The following ATP8B4 variants were observed in gnomAD, a reference collection of about 807,000 sequenced individuals.
The protein encoded by ATP8B4 is ATPase phospholipid transporting 8B4 (putative), also known as probable phospholipid-transporting ATPase IM.
Under a neutral mutation model 145.6 loss-of-function variants are expected in ATP8B4, and 133 were observed. That is an observed-to-expected ratio of 0.91 (90% CI 0.79 to 1.05). The LOEUF is 1.05. Ranked by LOEUF, ATP8B4 falls within the 50% of genes least tolerant of loss-of-function variation. The probability of loss-of-function intolerance (pLI) is 0.00; values close to 1 mark genes in which losing one functional copy is unlikely to be tolerated. For missense variants in ATP8B4, 1,458 were observed against 1,425.2 expected, an observed-to-expected ratio of 1.02 and a Z score of -0.37; for synonymous variants, 507 against 492.9, an observed-to-expected ratio of 1.03 and a Z score of -0.38.
intron 25 of ATP8B4, among the ~76,000 whole-genome samples, chr15:49,871,555 C>A (rs1185234979): frequency 6.6e-6 from 1 of 152,224 alleles, no homozygotes; most frequent in African/African-American, 2.4e-5. Flanking sequence ...TCTCTTACAG[C>A]TGCCATCAAG....
intron 1 of ATP8B4, among the ~76,000 whole-genome samples, chr15:50,151,659 A>T (rs926165582): frequency 2.0e-5 from 3 of 147,194 alleles, no homozygotes; most frequent in Non-Finnish European, 3.0e-5. Context: ...CTGAGGTGGG[A>T]TGATCACTTA....
At chr15:50,102,598 AT>A (rs375178371) in intron 2 of ATP8B4, among the ~76,000 whole-genome samples, 7 of 152,270 alleles carry the variant, frequency 4.6e-5, no homozygotes, top group Non-Finnish European at 1.0e-4. Context: ...TGAAATGGTA[AT>A]TTAAAAGTTG....
intron 1 of ATP8B4, among the ~76,000 whole-genome samples, chr15:50,151,040 T>C (rs901953709): frequency 2.0e-5 from 3 of 152,212 alleles, no homozygotes; most frequent in East Asian, 1.9e-4. Context: ...CAGGTGGTTT[T>C]GTAAATTGTT....
chr15:50,091,994 G>T (rs2055640462), intron 2 of ATP8B4, among the ~76,000 whole-genome samples: 1 of 152,116 alleles, frequency 6.6e-6, no homozygotes, highest in South Asian at 2.1e-4. Flanking sequence ...AAAGAGAAAT[G>T]TATTAAAGTA....
intron 3 of ATP8B4, among the ~76,000 whole-genome samples, chr15:50,065,083 G>A (rs1222220429): frequency 1.3e-5 from 2 of 152,110 alleles, no homozygotes; most frequent in Admixed American, 1.3e-4. Context: ...TAATTGCTAT[G>A]AGAGTAGATT....
chr15:49,863,884 A>C (rs893356122), intron 26 of ATP8B4, among the ~76,000 whole-genome samples: 1 of 152,160 alleles, frequency 6.6e-6, no homozygotes, highest in Non-Finnish European at 1.5e-5. Flanking sequence ...CTCAGTAATT[A>C]ATTACTGAAA....
intron 26 of ATP8B4, among the ~76,000 whole-genome samples, chr15:49,863,457 C>T (rs1024438053): frequency 1.3e-5 from 2 of 152,182 alleles, no homozygotes; most frequent in Non-Finnish European, 2.9e-5. Flanking sequence ...GATGCCAACC[C>T]TGCTTATATC....
chr15:50,089,829 A>C (rs1052217551), intron 2 of ATP8B4, among the ~76,000 whole-genome samples: 1 of 152,136 alleles, frequency 6.6e-6, no homozygotes, highest in African/African-American at 2.4e-5. Context: ...CTACGGGCAG[A>C]AATACCATTT....
At position 49,987,505 on chromosome 15, in the gene ATP8B4, T is replaced by A. The variant is rs1168233326; in HGVS notation, c.634A>T (p.Met212Leu). 1 of 1,613,846 alleles carries A rather than the reference T, an allele frequency of 6.2e-7. No individual in the cohort carries two copies. The change falls in exon 10 of 28, where the codon ATG (methionine) becomes TTG (leucine). Residue 212 changes from methionine (M) to leucine (L), a missense_variant. By Grantham distance (15) the Met-to-Leu change is conservative. Coordinates refer to ENST00000284509, the MANE Select transcript of ATP8B4 (RefSeq NM_024837.4). ...CTGTCTTTCCAAGAAAGGATTCCCA[T>A]GAATTTATCTAACTTGTTGTTAGGC... is the stretch of plus-strand genomic sequence containing the variant. ...EVPNNKLDKF[M>L]GILSWKDSKH...
chr15:49,879,612 A>G (rs2035063450), intron 23 of ATP8B4, 153 bp from the exon 24 acceptor site: 1 of 636,812 alleles, frequency 1.6e-6, no homozygotes, highest in Non-Finnish European at 2.7e-6. Context: ...GCCTCTTATC[A>G]GCTCTGGTGC....
intron 13 of ATP8B4, among the ~76,000 whole-genome samples, chr15:49,972,179 G>T (rs527865970): frequency 6.6e-6 from 1 of 152,138 alleles, no homozygotes; most frequent in South Asian, 2.1e-4. Context: ...GTAGACGACG[G>T]GTTGATGGGT....
rs541467306 is a variant in ATP8B4 at position 50,035,136 on chromosome 15, G to C, written c.362+3632C>G. 4.6e-5 allele frequency among the ~76,000 whole-genome samples: 7 copies of C among 152,160 alleles called. No individual in the cohort carries two copies. The South Asian group carries it at 1.2e-3, about 27-fold the overall frequency. On this transcript the variant is annotated intron_variant, in intron 6 of 27. Coordinates refer to ENST00000284509, the MANE Select transcript of ATP8B4 (RefSeq NM_024837.4). ...GCAAAAGATTTGTCCTGATTTGAAA[G>C]GAATAGATTAAGAAAACAAAAAAAA...
In ATP8B4 at chr15:50,055,146, GC is replaced by G. The variant is rs1193476001; in HGVS notation, c.88-7683del. ...TAGAGATTACTAACAGCAACTTGGG[GC>G]TATGAGTGGGGAGGCTGCCAAGAAC... On this transcript the variant is annotated intron_variant, in intron 3 of 27. Coordinates refer to ENST00000284509, the MANE Select transcript of ATP8B4 (RefSeq NM_024837.4). Among the ~76,000 whole-genome samples, 5 of 152,280 alleles carry G rather than the reference GC, an allele frequency of 3.3e-5. No homozygotes were observed. The South Asian group carries it at 1.0e-3, about 32-fold the overall frequency.
intron 12 of ATP8B4, among the ~76,000 whole-genome samples, chr15:49,974,384 C>A (rs2153525646): frequency 6.9e-6 from 1 of 144,288 alleles, no homozygotes; most frequent in South Asian, 2.3e-4. Context: ...GCCACCGCAC[C>A]CAGCCACTTG....
intron 25 of ATP8B4, among the ~76,000 whole-genome samples, chr15:49,874,772 A>AT (rs558943196): frequency 2.0e-5 from 3 of 152,104 alleles, no homozygotes; most frequent in Non-Finnish European, 4.4e-5. Flanking sequence ...AAGTTCTGTA[A>AT]TTTTTTCGTG....
At chr15:50,096,554 A>T (rs2055999966) in intron 2 of ATP8B4, among the ~76,000 whole-genome samples, 1 of 152,146 alleles carries the variant, frequency 6.6e-6, no homozygotes, top group Non-Finnish European at 1.5e-5. Flanking sequence ...GAGAAAAAAA[A>T]CTTCTATTCC....
intron 14 of ATP8B4, among the ~76,000 whole-genome samples, chr15:49,942,704 A>G (rs764585337): frequency 5.3e-5 from 8 of 152,250 alleles, no homozygotes; most frequent in Non-Finnish European, 1.2e-4. Flanking sequence ...AGGTGCCTGT[A>G]GTCCCAGCTA....
intron 6 of ATP8B4, among the ~76,000 whole-genome samples, chr15:50,019,861 C>T (rs2049393045): frequency 6.6e-6 from 1 of 152,218 alleles, no homozygotes; most frequent in Non-Finnish European, 1.5e-5. Flanking sequence ...ACACACTTAG[C>T]CAGCCCTTTC....
intron 17 of ATP8B4, among the ~76,000 whole-genome samples, chr15:49,920,722 T>C (rs1055800051): frequency 6.6e-6 from 1 of 152,216 alleles, no homozygotes; most frequent in African/African-American, 2.4e-5. Context: ...TATTCATTTA[T>C]GGCAACATAT....
Sources: allele counts gnomAD v4.1 joint callset (sites outside exome capture counted in the v4.1 genomes callset), GRCh38; gene constraint gnomAD v4.1.1; transcripts MANE v1.5; gene names NCBI Gene and HGNC (gene_info 2026-07-23, HGNC 2026-07-21).